The following POU2F1 variants were observed in gnomAD, a reference collection of about 807,000 sequenced individuals.
The protein encoded by POU2F1 is POU class 2 homeobox 1.
In POU2F1, 16 loss-of-function variants were observed where a neutral mutation model predicts 84.9. The ratio of observed to expected loss-of-function variants is 0.19; its 90% CI spans 0.13 to 0.29. The LOEUF is 0.29. POU2F1 is among the 10% of genes least tolerant of loss of function. POU2F1 has a pLI of 1.00. For missense variants in POU2F1, 738 were observed against 942.6 expected (o/e 0.78, Z 2.84); for synonymous variants, 368 against 368.3 (o/e 1.00, Z 0.01).
chr1:167,258,862 G>A (rs1289518455), intron 1 of POU2F1, among the ~76,000 whole-genome samples: 1 of 152,156 alleles, frequency 6.6e-6, no homozygotes, highest in African/African-American at 2.4e-5. Flanking sequence ...TTGCCTAATT[G>A]GGGTCCAAGT....
At chr1:167,314,535 G>C (rs1316213677) in intron 1 of POU2F1, among the ~76,000 whole-genome samples, 2 of 151,876 alleles carry the variant, frequency 1.3e-5, no homozygotes, top group African/African-American at 4.8e-5. Context: ...CCAATACTTA[G>C]GAAGGCTGAG....
chr1:167,361,265 A>G (rs1388153705), intron 2 of POU2F1, among the ~76,000 whole-genome samples: 1 of 152,162 alleles, frequency 6.6e-6, no homozygotes, highest in Non-Finnish European at 1.5e-5. Flanking sequence ...TCTTAGGGGA[A>G]ATGCTTTCAA....
chr1:167,377,324 C>T (rs1335829496), intron 7 of POU2F1, among the ~76,000 whole-genome samples: 2 of 152,142 alleles, frequency 1.3e-5, no homozygotes, highest in African/African-American at 2.4e-5. Context: ...TGGTGGCTGA[C>T]GCCTGTAATC....
chr1:167,237,762 ATATATATATATTTTTTT>A lies in POU2F1; in HGVS notation c.61+16806_61+16822del, dbSNP rs1649585134. On this transcript the variant is annotated intron_variant, in intron 1 of 15. Coordinates refer to ENST00000367866, the MANE Select transcript of POU2F1 (RefSeq NM_002697.4). ...TGTGTGTGTGTATATATATATATAT[ATATATATATATTTTTTT>A]TTTTTTTTTTTTTTTTTTTTGGCAG... Among the ~76,000 whole-genome samples, 17 of 19,988 alleles carry A rather than the reference ATATATATATATTTTTTT, an allele frequency of 8.5e-4. No homozygotes were observed. In the South Asian group the frequency reaches 0.025, roughly 30 times the overall value. 13.1% of individuals were successfully genotyped at this position (19,988 alleles called of 152,430 possible).
At chr1:167,234,590 C>T (rs1571133571) in intron 1 of POU2F1, among the ~76,000 whole-genome samples, 1 of 152,094 alleles carries the variant, frequency 6.6e-6, no homozygotes, top group East Asian at 1.9e-4. Context: ...AAATAATAGC[C>T]AAGCATGTTG....
rs1372013061 is a variant in POU2F1, at chr1:167,374,227, C to A, written c.522C>A (p.Ala174=). The A allele has an allele frequency of 6.2e-7, 1 of 1,613,822 alleles. No individual in the cohort carries two copies. Among genetic ancestry groups the A allele is most frequent in the African/African-American group, 1.3e-5 (1 of 74,930 alleles). Residue 174 remains alanine, a synonymous_variant, in exon 6 of 16, where the codon GCC becomes GCA. Coordinates refer to ENST00000367866, the MANE Select transcript of POU2F1 (RefSeq NM_002697.4). The part of the protein sequence containing the change: ...SASQQHSAAG[A]TISASAATPM... ...GCCAGCAGCACAGTGCTGCTGGAGC[C>A]ACCATCTCCGCCTCTGCTGCCACGC...
Position 167,418,805 on chromosome 1 carries a change from T to G in POU2F1, c.*2995T>G, listed in dbSNP as rs1469010642. On this transcript the variant is annotated 3_prime_UTR_variant, in exon 16 of 16. Coordinates refer to ENST00000367866, the MANE Select transcript of POU2F1 (RefSeq NM_002697.4). ...TGCCCTGTCTATATTTTCTACTCAATTTGGGATAAGGGGATTTTATGTGAA... is the reference window on the plus strand; with the variant it reads ...TGCCCTGTCTATATTTTCTACTCAAGTTGGGATAAGGGGATTTTATGTGAA... The G allele has an allele frequency of 2.0e-5, 3 of 152,136 alleles. No homozygotes were observed. The highest frequency in any genetic ancestry group is 2.9e-5 in the Non-Finnish European group (2 of 68,008). 9.4% of individuals were successfully genotyped at this position (152,136 alleles called of 1,614,324 possible).
intron 12 of POU2F1, among the ~76,000 whole-genome samples, chr1:167,400,613 A>G (rs999919298): frequency 6.6e-6 from 1 of 152,180 alleles, no homozygotes; most frequent in Non-Finnish European, 1.5e-5. Context: ...TCATTGAGTA[A>G]CTTCTGCTGT....
chr1:167,243,693 C>A (rs898673220), intron 1 of POU2F1, among the ~76,000 whole-genome samples: 1 of 152,164 alleles, frequency 6.6e-6, no homozygotes, highest in Non-Finnish European at 1.5e-5. Flanking sequence ...CTAGGCTGGT[C>A]TCGAACTCCC....
intron 1 of POU2F1, among the ~76,000 whole-genome samples, chr1:167,270,452 C>T (rs1305017989): frequency 1.3e-5 from 2 of 152,094 alleles, no homozygotes; most frequent in East Asian, 1.9e-4. Context: ...CAAAGAGCTT[C>T]TTGCTGTGTG....
intron 1 of POU2F1, among the ~76,000 whole-genome samples, chr1:167,305,672 CAT>C (rs562187373): frequency 6.6e-6 from 1 of 152,094 alleles, no homozygotes; most frequent in Non-Finnish European, 1.5e-5. Flanking sequence ...TTTGGGCAGT[CAT>C]ATTTAGGACT....
chr1:167,393,352 A>G (rs1310156529), intron 9 of POU2F1, among the ~76,000 whole-genome samples: 2 of 152,200 alleles, frequency 1.3e-5, no homozygotes, highest in Non-Finnish European at 2.9e-5. Context: ...GTGAAATAAA[A>G]CATATTAATA....
chr1:167,351,899 A>T (rs1430668216), intron 2 of POU2F1, among the ~76,000 whole-genome samples: 2 of 152,122 alleles, frequency 1.3e-5, no homozygotes, highest in Non-Finnish European at 2.9e-5. Flanking sequence ...ATTAATGTTC[A>T]TAGGATATAG....
At chr1:167,259,860 A>G (rs1217651778) in intron 1 of POU2F1, among the ~76,000 whole-genome samples, 1 of 151,818 alleles carries the variant, frequency 6.6e-6, no homozygotes, top group Admixed American at 6.6e-5. Context: ...GTATCTTTTC[A>G]TATGCTTATT....
intron 1 of POU2F1, among the ~76,000 whole-genome samples, chr1:167,315,398 T>A (rs1432793239): frequency 6.6e-6 from 1 of 152,198 alleles, no homozygotes; most frequent in African/African-American, 2.4e-5. Context: ...ACCTCCTATG[T>A]ACGAATGTTT....
rs1571477428 is a variant in POU2F1 at position 167,415,950 on chromosome 1, A to AC, written c.*140_*141insC. The AC allele has an allele frequency of 1.1e-6, 1 of 891,594 alleles. No homozygotes were observed. Among genetic ancestry groups the AC allele is most frequent in the Admixed American group, 2.9e-5 (1 of 35,008 alleles). The allele number at this position is 891,594 out of a possible 1,614,324, so 55.2% of individuals were successfully genotyped here. A position where few individuals can be genotyped will look rare whatever the true frequency, so the allele number is the denominator to read the frequency against. ...CAAAGGAGAGAAGGGAGAAAAAAAA[A>AC]AAAAAACCACACACACCCATACACA... On this transcript the variant is annotated 3_prime_UTR_variant, in exon 16 of 16. Coordinates refer to ENST00000367866, the MANE Select transcript of POU2F1 (RefSeq NM_002697.4).
chr1:167,365,154 G>T (rs1659605874), intron 2 of POU2F1, among the ~76,000 whole-genome samples: 1 of 152,174 alleles, frequency 6.6e-6, no homozygotes, highest in Non-Finnish European at 1.5e-5. Flanking sequence ...TTTGAACTCT[G>T]TTCCTGTGCT....
chr1:167,334,898 C>T (rs971287654), intron 2 of POU2F1, among the ~76,000 whole-genome samples: 2 of 152,108 alleles, frequency 1.3e-5, no homozygotes, highest in Non-Finnish European at 2.9e-5. Flanking sequence ...AAACTGAAGC[C>T]TCACAATTTC....
At chr1:167,384,949 GA>G (rs1296044537) in intron 8 of POU2F1, among the ~76,000 whole-genome samples, 3 of 152,016 alleles carry the variant, frequency 2.0e-5, no homozygotes, top group Non-Finnish European at 4.4e-5. Flanking sequence ...TGTCTATGTA[GA>G]AAATCTTAAG....
Sources: gnomAD v4.1 joint callset for allele counts (sites outside exome capture counted in the v4.1 genomes callset) on GRCh38, gnomAD v4.1.1 for gene constraint, MANE v1.5 for transcripts, NCBI Gene and HGNC (gene_info 2026-07-23, HGNC 2026-07-21) for gene names.